Variants in SYCP2L observed in about 807,000 individuals in gnomAD.
SYCP2L encodes the protein synaptonemal complex protein 2-like.
A neutral mutation model predicts 125.8 loss-of-function variants in SYCP2L; 98 were observed. That is an observed-to-expected ratio of 0.78 (90% CI 0.66 to 0.92). SYCP2L has a LOEUF of 0.92. Among genes scored for constraint, SYCP2L ranks in the 40% least tolerant of loss-of-function variants. The pLI, the probability that SYCP2L is intolerant of heterozygous loss-of-function variation, is 0.00. For missense variants in SYCP2L, 842 were observed against 936.4 expected (o/e 0.90, Z 1.32); for synonymous variants, 317 against 325.4 (o/e 0.97, Z 0.28).
intron 14 of SYCP2L, chr6:10,922,778 A>G (rs1430920968): frequency 6.6e-6 from 1 of 152,146 alleles, no homozygotes; most frequent in Non-Finnish European, 1.5e-5. Context: ...GCACTGTCCT[A>G]TAGAAATATG....
intron 8 of SYCP2L, among the ~76,000 whole-genome samples, chr6:10,903,301 C>G (rs111662396): frequency 6.6e-6 from 1 of 152,146 alleles, no homozygotes; most frequent in Non-Finnish European, 1.5e-5. Flanking sequence ...GTAATCCCAG[C>G]GCTTTGGGAG....
At chr6:10,917,829 G>GT (rs1780717022) in intron 14 of SYCP2L, among the ~76,000 whole-genome samples, 1 of 152,168 alleles carries the variant, frequency 6.6e-6, no homozygotes, top group African/African-American at 2.4e-5. Context: ...AGTTCTTGTA[G>GT]TGGTGGCTTG....
chr6:10,890,066 G>T (rs1371099362), intron 1 of SYCP2L, among the ~76,000 whole-genome samples: 1 of 152,148 alleles, frequency 6.6e-6, no homozygotes, highest in Non-Finnish European at 1.5e-5. Flanking sequence ...TGGCTGAAAA[G>T]TATTCCACTG....
chr6:10,956,052 C>A, intron 24 of SYCP2L, 84 bp from the exon 25 acceptor site: 1 of 1,123,370 alleles, frequency 8.9e-7, no homozygotes, highest in African/African-American at 1.6e-5. Flanking sequence ...CCAAATAACT[C>A]ATCCTCTGGG....
rs551103839 is a variant in SYCP2L, at chr6:10,907,892, G to GTTTTTTTTTTTTTTTTTTTTTTTTTTTT, written c.819+226_819+227insTTTTTTTTTTTTTTTTTTTTTTTTTTTT. 2.5e-4 allele frequency among the ~76,000 whole-genome samples: 23 copies of GTTTTTTTTTTTTTTTTTTTTTTTTTTTT among 91,936 alleles called. 4 individuals are homozygous for GTTTTTTTTTTTTTTTTTTTTTTTTTTTT. The highest frequency in any genetic ancestry group is 8.3e-4 in the African/African-American group (20 of 24,154). The allele number at this position is 91,936 out of a possible 152,430, so 60.3% of individuals were successfully genotyped here. A position where few individuals can be genotyped will look rare whatever the true frequency, so the allele number is the denominator to read the frequency against. ...GAGCTAGATATAGGGATACAGATAG[G>GTTTTTTTTTTTTTTTTTTTTTTTTTTTT]TTTTTTTTTTTTTTTTTTGACAGAG... is the stretch of plus-strand genomic sequence containing the variant. On this transcript the variant is annotated intron_variant, in intron 10 of 29. Transcript: ENST00000283141.
intron 29 of SYCP2L, among the ~76,000 whole-genome samples, chr6:10,966,100 A>G (rs1781671463): frequency 1.3e-5 from 2 of 151,102 alleles, no homozygotes; most frequent in South Asian, 4.2e-4. Flanking sequence ...GCAACAGAGC[A>G]ATACTCTGTC....
intron 8 of SYCP2L, among the ~76,000 whole-genome samples, chr6:10,903,505 G>A (rs530888850): frequency 9.2e-5 from 14 of 152,126 alleles, no homozygotes; most frequent in South Asian, 2.1e-4. Context: ...CCGAGATCGC[G>A]CCACTGTGCT....
chr6:10,955,387 TTATAGA>T (rs1473843918), intron 24 of SYCP2L, among the ~76,000 whole-genome samples, 170 bp downstream of exon 24: 1 of 152,198 alleles, frequency 6.6e-6, no homozygotes, highest in Non-Finnish European at 1.5e-5. Context: ...GTTGCACAAA[TTATAGA>T]TAAAAGCAAG....
At chr6:10,961,026 T>C (rs1026344711) in intron 26 of SYCP2L, among the ~76,000 whole-genome samples, 2 of 148,718 alleles carry the variant, frequency 1.3e-5, no homozygotes, top group South Asian at 2.1e-4. Flanking sequence ...TGCAATGAGC[T>C]GAGATCACGC....
At chr6:10,911,306 C>A (rs1780602407) in intron 12 of SYCP2L, among the ~76,000 whole-genome samples, 2 of 152,192 alleles carry the variant, frequency 1.3e-5, no homozygotes, top group East Asian at 1.9e-4. Context: ...ACTTTATAGT[C>A]CAAGGTTGAC....
At position 10,935,101 on chromosome 6, in the gene SYCP2L, A is replaced by G; in HGVS notation, c.1727A>G (p.Asn576Ser). 1 of 1,612,870 alleles carries G rather than the reference A, an allele frequency of 6.2e-7. No homozygotes were observed. The highest frequency in any genetic ancestry group is 8.5e-7 in the Non-Finnish European group (1 of 1,179,480). Reference protein sequence around the residue: ...SPSEKEIPEQNNTTSPKTSEQ... With the variant: ...SPSEKEIPEQSNTTSPKTSEQ... ...TCAGAGAAAGAAATACCCGAGCAAA[A>G]TAACACCACATCTCCAAAGACTTCT... Residue 576 changes from asparagine to serine, a missense_variant, in exon 21 of 30, where the codon AAT (asparagine) becomes AGT (serine). By Grantham distance (46) the Asn-to-Ser change is conservative. Coordinates refer to ENST00000283141, the MANE Select transcript of SYCP2L (RefSeq NM_001040274.3).
chr6:10,939,660 TG>T (rs1428275096), intron 21 of SYCP2L, among the ~76,000 whole-genome samples: 1 of 152,346 alleles, frequency 6.6e-6, no homozygotes, highest in East Asian at 1.9e-4. Context: ...TTGGGAAAAC[TG>T]GTTATCCACA....
chr6:10,955,098 T>A lies in SYCP2L; in HGVS notation c.1955-18T>A. ...GATAATTTCGGGTCAAAAGGAAATG[T>A]GCTCTGTTTGCCTGTAGACATACCA... On this transcript the variant is annotated intron_variant, in intron 23 of 29. Transcript: ENST00000283141. The A allele has an allele frequency of 6.4e-7, 1 of 1,556,884 alleles. No individual in the cohort carries two copies. The highest frequency in any genetic ancestry group is 8.9e-7 in the Non-Finnish European group (1 of 1,129,314).
At chr6:10,932,776 C>T (rs569243681) in intron 20 of SYCP2L, among the ~76,000 whole-genome samples, 37 of 151,922 alleles carry the variant, frequency 2.4e-4, no homozygotes, top group African/African-American at 7.7e-4. Flanking sequence ...TTTTTTGAGA[C>T]GGAGTCTTGC....
At chr6:10,907,892 G>GTTTTTTTTTTTGT (rs1554105094) in intron 10 of SYCP2L, among the ~76,000 whole-genome samples, 1 of 91,938 alleles carries the variant, frequency 1.1e-5, no homozygotes, top group African/African-American at 4.1e-5. Flanking sequence ...ATACAGATAG[G>GTTTTTTTTTTTGT]TTTTTTTTTT....
intron 21 of SYCP2L, among the ~76,000 whole-genome samples, chr6:10,939,621 A>G (rs1042660832): frequency 1.3e-5 from 2 of 152,234 alleles, no homozygotes; most frequent in Non-Finnish European, 2.9e-5. Flanking sequence ...ATACACAATG[A>G]GGAAAGGAAA....
chr6:10,928,872 G>A (rs1049200377), intron 18 of SYCP2L, among the ~76,000 whole-genome samples: 1 of 150,506 alleles, frequency 6.6e-6, no homozygotes, highest in Non-Finnish European at 1.5e-5. Context: ...TCCCCTCCTT[G>A]AGATTGTTTT....
Position 10,927,298 on chromosome 6 carries a change from C to T in SYCP2L, c.1371C>T (p.Cys457=), listed in dbSNP as rs750866763. The change falls in exon 17 of 30, where the codon TGC becomes TGT. Residue 457 remains cysteine (C), a synonymous_variant. Transcript: ENST00000283141. The part of the protein sequence containing the change: ...VEFMSAEDDR[C]LITLHLNDQS... ...TTATGAGTGCTGAAGATGACCGCTGCCTAATAACTCTCCACTTAAATGACC... is the reference window on the plus strand; with the variant it reads ...TTATGAGTGCTGAAGATGACCGCTGTCTAATAACTCTCCACTTAAATGACC... 2 of 1,614,122 alleles carry T rather than the reference C, an allele frequency of 1.2e-6. No homozygotes were observed. The highest frequency in any genetic ancestry group is 3.3e-5 in the Admixed American group (2 of 60,022).
chr6:10,972,770 C>G (rs1023936753), intron 29 of SYCP2L, among the ~76,000 whole-genome samples: 7 of 152,142 alleles, frequency 4.6e-5, no homozygotes, highest in African/African-American at 1.7e-4. Context: ...TCAACTTATC[C>G]TCCTGTCTCA....
Sources: allele counts gnomAD v4.1 joint callset (sites outside exome capture counted in the v4.1 genomes callset), GRCh38; gene constraint gnomAD v4.1.1; transcripts MANE v1.5; gene names NCBI Gene and HGNC (gene_info 2026-07-23, HGNC 2026-07-21).